The following ATXN7 variants were observed in gnomAD, a reference collection of about 807,000 sequenced individuals.
ATXN7 encodes ataxin-7.
Under a neutral mutation model 70.5 loss-of-function variants are expected in ATXN7, and 12 were observed. That is an observed-to-expected ratio of 0.17 (90% CI 0.11 to 0.28). ATXN7 has a LOEUF of 0.28. Ranked by LOEUF, ATXN7 falls within the 10% of genes least tolerant of loss-of-function variation. ATXN7 has a pLI of 1.00. For synonymous variants in ATXN7, 498 were observed against 448.7 expected (o/e 1.11, Z -1.39); for missense variants, 1,256 against 1,131.7 (o/e 1.11, Z -1.58).
chr3:63,990,627 C>T (rs111589822), intron 10 of ATXN7, 111 bp from the exon 11 acceptor site: 4 of 1,533,024 alleles, frequency 2.6e-6, no homozygotes, highest in Middle Eastern at 4.5e-4. Flanking sequence ...CTCCGGTACT[C>T]AGAGGCAGTT....
At chr3:63,880,848 A>T (rs1458880679) in intron 1 of ATXN7, among the ~76,000 whole-genome samples, 1 of 152,154 alleles carries the variant, frequency 6.6e-6, no homozygotes, top group African/African-American at 2.4e-5. Flanking sequence ...TTTCTTTCCT[A>T]CTAGAAGTAA....
intron 4 of ATXN7, among the ~76,000 whole-genome samples, chr3:63,923,397 T>C (rs945971751): frequency 5.3e-5 from 8 of 149,670 alleles, no homozygotes; most frequent in African/African-American, 2.0e-4. Context: ...GACTGTTGAA[T>C]GCTGTGAAGT....
chr3:63,870,698 A>G (rs954038046), intron 1 of ATXN7, among the ~76,000 whole-genome samples: 1 of 152,106 alleles, frequency 6.6e-6, no homozygotes, highest in Admixed American at 6.5e-5. Context: ...TCTTTTGCTT[A>G]ATGTTCCTAT....
At chr3:63,863,560 G>A (rs1477276138), upstream of ATXN7, 9 of 1,196,194 alleles carry the variant, frequency 7.5e-6, no homozygotes, top group Non-Finnish European at 6.2e-6. Flanking sequence ...GGGTCTCCGA[G>A]GGGCGCTCGG....
Position 64,000,110 on chromosome 3 carries a change from G to A in ATXN7, c.*643G>A, listed in dbSNP as rs1030739448. The A allele has an allele frequency of 6.6e-6, 1 of 152,662 alleles. No individual in the cohort carries two copies. Among genetic ancestry groups the A allele is most frequent in the African/African-American group, 2.4e-5 (1 of 41,448 alleles). 9.5% of individuals were successfully genotyped at this position (152,662 alleles called of 1,614,324 possible). A position where few individuals can be genotyped will look rare whatever the true frequency, so the allele number is the denominator to read the frequency against. ...TGAGAGTAATTTGGGAAAAGAAGCT[G>A]TCAGAAGTTTCTAACTTACAAACTG... On this transcript the variant is annotated 3_prime_UTR_variant, in exon 13 of 13. Transcript: ENST00000674280.
At chr3:63,899,331 G>C (rs1019589897) in intron 2 of ATXN7, among the ~76,000 whole-genome samples, 2 of 152,066 alleles carry the variant, frequency 1.3e-5, no homozygotes, top group Admixed American at 6.5e-5. Flanking sequence ...CAAAGTGGTG[G>C]GATTTCAGGC....
chr3:63,922,366 C>G (rs1045885757), intron 4 of ATXN7, among the ~76,000 whole-genome samples: 1 of 152,116 alleles, frequency 6.6e-6, no homozygotes, highest in African/African-American at 2.4e-5. Context: ...TTCTTGGACT[C>G]TAGTAAAAAT....
At chr3:63,929,984 G>GCT (rs1704882220) in intron 4 of ATXN7, among the ~76,000 whole-genome samples, 1 of 152,122 alleles carries the variant, frequency 6.6e-6, no homozygotes, top group African/African-American at 2.4e-5. Flanking sequence ...TGACTGAGAG[G>GCT]CTCCCCGATC....
chr3:63,888,408 T>C (rs914761984), intron 1 of ATXN7, among the ~76,000 whole-genome samples: 5 of 152,230 alleles, frequency 3.3e-5, no homozygotes, highest in African/African-American at 4.8e-5. Flanking sequence ...AAAGTACATA[T>C]ATGGTTCTGT....
intron 1 of ATXN7, among the ~76,000 whole-genome samples, chr3:63,886,350 A>G (rs1000675888): frequency 2.6e-5 from 4 of 152,240 alleles, no homozygotes; most frequent in African/African-American, 7.2e-5. Context: ...AATGGTGACT[A>G]TAGTTAATAA....
intron 10 of ATXN7, 48 bp downstream of exon 10, chr3:63,990,422 A>G: frequency 6.2e-7 from 1 of 1,603,814 alleles, no homozygotes; most frequent in Non-Finnish European, 8.5e-7. Flanking sequence ...CACAGCATGG[A>G]CAGGGCACTG....
In ATXN7 at chr3:63,863,927, CCG is replaced by C; in HGVS notation, c.-341_-340del. 1.3e-6 allele frequency: 1 copy of C among 741,692 alleles called. No homozygotes were observed. The highest frequency in any genetic ancestry group is 1.7e-6 in the Non-Finnish European group (1 of 604,840). 45.9% of individuals were successfully genotyped at this position (741,692 alleles called of 1,614,324 possible). ...GCGGCGGCGCCCGCGGCCGCCTGCT[CCG>C]ACGCCTGAGCCGCGCCGCGCCGCGC... On this transcript the variant is annotated 5_prime_UTR_variant, in exon 1 of 13. The change creates a premature stop within an existing upstream ORF in the 5' untranslated region. Coordinates refer to ENST00000674280, the MANE Select transcript of ATXN7 (RefSeq NM_001377405.1).
At chr3:63,885,013 C>T (rs1046411358) in intron 1 of ATXN7, among the ~76,000 whole-genome samples, 1 of 151,932 alleles carries the variant, frequency 6.6e-6, no homozygotes, top group Non-Finnish European at 1.5e-5. Flanking sequence ...CCAAAGAGTG[C>T]AATATGAAAA....
chr3:63,984,358 C>CT (rs879428377), intron 8 of ATXN7, among the ~76,000 whole-genome samples: 100 of 151,452 alleles, frequency 6.6e-4, no homozygotes, highest in South Asian at 1.7e-3. Context: ...AAACAAACTG[C>CT]TTTTTTTTTG....
At chr3:63,874,893 C>T (rs928582937) in intron 1 of ATXN7, among the ~76,000 whole-genome samples, 4 of 152,040 alleles carry the variant, frequency 2.6e-5, no homozygotes, top group South Asian at 4.1e-4. Flanking sequence ...TTCTGAAGGC[C>T]GAGAAGTCCA....
At chr3:63,911,346 G>A (rs1469866836) in intron 2 of ATXN7, among the ~76,000 whole-genome samples, 1 of 152,104 alleles carries the variant, frequency 6.6e-6, no homozygotes, top group Non-Finnish European at 1.5e-5. Context: ...TGTATGTTGG[G>A]GAGGGGTGCT....
chr3:63,881,419 G>A (rs1039832792), intron 1 of ATXN7, among the ~76,000 whole-genome samples: 26 of 151,724 alleles, frequency 1.7e-4, no homozygotes, highest in African/African-American at 6.1e-4. Context: ...GCAGCCAGAA[G>A]TGCAAATACT....
rs1323676510 is a variant in ATXN7, at chr3:63,990,816, C to T, written c.1639C>T (p.Leu547Phe). 1.9e-6 allele frequency: 3 copies of T among 1,614,082 alleles called. No homozygotes were observed. In the African/African-American group the frequency reaches 4.0e-5, roughly 22 times the overall value. Reference protein sequence around the residue: ...DSRWNRLRCALNLMVEKHLNA... With the variant: ...DSRWNRLRCAFNLMVEKHLNA... ...CAGGTGGAATCGACTTCGCTGCGCC[C>T]TCAACCTCATGGTGGAGAAGCATCT... is the stretch of plus-strand genomic sequence containing the variant. Residue 547 changes from leucine (L) to phenylalanine (F), a missense_variant, in exon 11 of 13, where the codon CTC (leucine) becomes TTC (phenylalanine). Coordinates refer to ENST00000674280, the MANE Select transcript of ATXN7 (RefSeq NM_001377405.1).
chr3:63,904,868 G>GTTTTTTCATA, intron 2 of ATXN7: 1 of 152,260 alleles, frequency 6.6e-6, no homozygotes, highest in African/African-American at 2.4e-5. Context: ...GAGGATTCCA[G>GTTTTTTCATA]TTTTTTCATA....
Sources: gnomAD v4.1 joint callset for allele counts (sites outside exome capture counted in the v4.1 genomes callset) on GRCh38, gnomAD v4.1.1 for gene constraint, MANE v1.5 for transcripts, NCBI Gene and HGNC (gene_info 2026-07-23, HGNC 2026-07-21) for gene names.